The following PDE4A variants were observed in gnomAD, a reference collection of about 807,000 sequenced individuals.
PDE4A encodes 3',5'-cyclic-AMP phosphodiesterase 4A.
Under a neutral mutation model 73.9 loss-of-function variants are expected in PDE4A, and 21 were observed. The observed-to-expected ratio is 0.28, with a 90% CI of 0.20 to 0.41. PDE4A has a LOEUF of 0.41. Ranked by LOEUF, PDE4A falls within the 10% of genes least tolerant of loss-of-function variation. The pLI is 1.00. For missense variants in PDE4A, 958 were observed against 1,211.4 expected (o/e 0.79, Z 3.10); for synonymous variants, 463 against 505.4 (o/e 0.92, Z 1.13).
intron 13 of PDE4A, among the ~76,000 whole-genome samples, chr19:10,462,632 T>C (rs1396868432): frequency 3.3e-5 from 5 of 152,096 alleles, no homozygotes; most frequent in Non-Finnish European, 4.4e-5. Flanking sequence ...TCTTTCTGTC[T>C]GTCCCCTTCT....
upstream of PDE4A, chr19:10,418,666 T>C (rs1210023806): frequency 1.4e-6 from 1 of 702,532 alleles, no homozygotes; most frequent in Admixed American, 6.3e-5. Flanking sequence ...CCAGATCAGT[T>C]TATCCCCCAG....
intron 1 of PDE4A, among the ~76,000 whole-genome samples, chr19:10,441,269 T>C (rs918246269): frequency 2.0e-5 from 3 of 152,066 alleles, no homozygotes; most frequent in African/African-American, 7.2e-5. Context: ...GCTGGGACTA[T>C]AGGTGCACAC....
chr19:10,440,115 C>T (rs901568953), intron 1 of PDE4A, among the ~76,000 whole-genome samples: 1 of 149,536 alleles, frequency 6.7e-6, no homozygotes, highest in Non-Finnish European at 1.5e-5. Flanking sequence ...CTCCCAAGTA[C>T]CTGGGATTAT....
chr19:10,420,868 G>A lies in PDE4A; in HGVS notation c.104G>A (p.Arg35Gln), dbSNP rs1235712284. 6.3e-7 allele frequency: 1 copy of A among 1,588,884 alleles called. No individual in the cohort carries two copies. The highest frequency in any genetic ancestry group is 1.7e-5 in the Admixed American group (1 of 59,308). ...TLKPPPQHLW[R>Q]QPRTPIRIQQ... ...AAGCCTCCCCCGCAGCACCTGTGGC[G>A]GCAGCCTCGGACCCCCATCCGTATC... Residue 35 changes from arginine (R) to glutamine (Q), a missense_variant, in exon 1 of 15, where the codon CGG becomes CAG. Transcript: ENST00000380702. The surrounding 1 kb of genome is among the most constrained non-coding windows in gnomAD (Gnocchi z 6.0).
intron 6 of PDE4A, 46 bp downstream of exon 6, chr19:10,450,987 G>T: frequency 6.5e-7 from 1 of 1,529,128 alleles, no homozygotes; most frequent in Non-Finnish European, 8.9e-7. Flanking sequence ...AGGCGGGGGC[G>T]GGGCCAGTGG....
At chr19:10,427,930 G>A (rs1360031858) in intron 1 of PDE4A, 1 of 838,616 alleles carries the variant, frequency 1.2e-6, no homozygotes, top group East Asian at 1.2e-4. Flanking sequence ...GGGAGGTGGA[G>A]GTTGCAGTGA....
chr19:10,430,108 C>A (rs1459755328), intron 1 of PDE4A, among the ~76,000 whole-genome samples: 1 of 151,740 alleles, frequency 6.6e-6, no homozygotes, highest in Non-Finnish European at 1.5e-5. Context: ...ATGGGGAGCT[C>A]TGGAGGAATT....
Position 10,467,085 on chromosome 19 carries a change from T to TTTGAGCTGA in PDE4A, c.2126_2134dup (p.Leu711_Thr712insIleGluLeu). 2 of 1,614,010 alleles carry TTTGAGCTGA rather than the reference T, an allele frequency of 1.2e-6. No homozygotes were observed. The highest frequency in any genetic ancestry group is 1.7e-6 in the Non-Finnish European group (2 of 1,180,000). ...CCCACCCCTGCCTGACAAGTTCCAGTTTGAGCTGACGCTGGAGGAGGAAGA... is the reference window on the plus strand; with the variant it reads ...CCCACCCCTGCCTGACAAGTTCCAGTTTGAGCTGATTGAGCTGACGCTGGAGGAGGAAGA... On this transcript the variant is annotated inframe_insertion, in exon 15 of 15. Coordinates refer to ENST00000380702, the MANE Select transcript of PDE4A (RefSeq NM_001111307.2).
chr19:10,430,561 T>G (rs568369552), intron 1 of PDE4A, among the ~76,000 whole-genome samples: 1 of 152,020 alleles, frequency 6.6e-6, no homozygotes, highest in South Asian at 2.1e-4. Flanking sequence ...CCCCACAGAT[T>G]TGGGGGTGTC....
At chr19:10,459,886 T>A in intron 10 of PDE4A, 127 bp downstream of exon 10, 2 of 1,170,952 alleles carry the variant, frequency 1.7e-6, no homozygotes, top group Non-Finnish European at 2.3e-6. Context: ...CTCTCTCTTT[T>A]TTTTTTCTTT....
At chr19:10,464,468 A>G (rs1473212756) in intron 14 of PDE4A, 2 of 454,742 alleles carry the variant, frequency 4.4e-6, no homozygotes. Context: ...CCAGGGTAGC[A>G]TGCAGTGGTG....
At chr19:10,431,220 C>T (rs1166491543) in intron 1 of PDE4A, 4 of 617,860 alleles carry the variant, frequency 6.5e-6, no homozygotes, top group Non-Finnish European at 7.6e-6. Context: ...CAAAATCATC[C>T]CTGACCGCCA....
intron 1 of PDE4A, among the ~76,000 whole-genome samples, chr19:10,439,991 T>TC (rs996503260): frequency 6.8e-6 from 1 of 147,650 alleles, no homozygotes; most frequent in African/African-American, 2.5e-5. Context: ...CCTTTTTTTT[T>TC]TTTTTTTTTT....
At chr19:10,429,246 G>GGGAAA (rs781625005) in intron 1 of PDE4A, among the ~76,000 whole-genome samples, 2 of 149,200 alleles carry the variant, frequency 1.3e-5, no homozygotes, top group African/African-American at 5.0e-5. Flanking sequence ...AGGGACGGAG[G>GGGAAA]GGAAAGGAAA....
chr19:10,436,506 G>A (rs1281201015), intron 1 of PDE4A, among the ~76,000 whole-genome samples: 1 of 152,132 alleles, frequency 6.6e-6, no homozygotes, highest in Non-Finnish European at 1.5e-5. Context: ...AGTGAGCCGA[G>A]ATGGCGCCAC....
intron 7 of PDE4A, among the ~76,000 whole-genome samples, chr19:10,457,153 C>T (rs996113540): frequency 2.0e-5 from 3 of 151,972 alleles, no homozygotes; most frequent in Non-Finnish European, 2.9e-5. Flanking sequence ...AGCCAGAGAT[C>T]GTGCCACTGC....
At position 10,460,994 on chromosome 19, in the gene PDE4A, C is replaced by T; in HGVS notation, c.1366-10C>T. ...CTCTGTTATTCTAACATCCGTGTCT[C>T]TGCTCCCAGGCAGTGTTCACGGACC... On this transcript the variant is annotated splice_polypyrimidine_tract_variant and intron_variant, in intron 10 of 14. Coordinates refer to ENST00000380702, the MANE Select transcript of PDE4A (RefSeq NM_001111307.2). 1 of 1,608,624 alleles carries T rather than the reference C, an allele frequency of 6.2e-7. No homozygotes were observed. The highest frequency in any genetic ancestry group is 8.5e-7 in the Non-Finnish European group (1 of 1,175,830).
rs957251715 is a variant in PDE4A, at chr19:10,424,473, C to T, written c.320+3389C>T. The stretch of plus-strand genomic sequence containing the variant: ...GGATGTGGGTTGGGAGCGGGTCTCC[C>T]CGCGCGCCCTCTGCTGGACGACGAG... On this transcript the variant is annotated intron_variant, in intron 1 of 14. Coordinates refer to ENST00000380702, the MANE Select transcript of PDE4A (RefSeq NM_001111307.2). The surrounding 1 kb of genome is among the most constrained non-coding windows in gnomAD (Gnocchi z 4.8). Among the ~76,000 whole-genome samples, 5 of 152,258 alleles carry T rather than the reference C, an allele frequency of 3.3e-5. No homozygotes were observed. Among genetic ancestry groups the T allele is most frequent in the Non-Finnish European group, 4.4e-5 (3 of 68,046 alleles).
At chr19:10,438,189 T>A (rs1433225772) in intron 1 of PDE4A, among the ~76,000 whole-genome samples, 1 of 151,662 alleles carries the variant, frequency 6.6e-6, no homozygotes, top group East Asian at 1.9e-4. Context: ...CTCGGCTCAC[T>A]GCAACCTTCG....
Sources: gnomAD v4.1 joint callset for allele counts (sites outside exome capture counted in the v4.1 genomes callset) on GRCh38, gnomAD v4.1.1 for gene constraint, Gnocchi (gnomAD v3.1) non-coding constraint, MANE v1.5 for transcripts, NCBI Gene and HGNC (gene_info 2026-07-23, HGNC 2026-07-21) for gene names.